The following BNC2 variants were observed in gnomAD, a reference collection of about 807,000 sequenced individuals.
BNC2 encodes the protein basonuclin zinc finger protein 2, also known as zinc finger protein basonuclin-2.
A neutral mutation model predicts 76.3 loss-of-function variants in BNC2; 20 were observed. That is an observed-to-expected ratio of 0.26 (90% CI 0.18 to 0.38). The LOEUF is 0.38. Among genes scored for constraint, BNC2 ranks in the 10% least tolerant of loss-of-function variants. The probability of loss-of-function intolerance (pLI) is 1.00; values close to 1 mark genes in which losing one functional copy is unlikely to be tolerated. For synonymous variants in BNC2, 582 were observed against 514.8 expected, an observed-to-expected ratio of 1.13 and a Z score of -1.77; for missense variants, 1,382 against 1,399.8, an observed-to-expected ratio of 0.99 and a Z score of 0.20.
intron 3 of BNC2, among the ~76,000 whole-genome samples, chr9:16,724,530 A>G (rs1398458834): frequency 6.6e-6 from 1 of 152,118 alleles, no homozygotes; most frequent in African/African-American, 2.4e-5. Context: ...AATTTGAGAA[A>G]ATCATACTTG....
At position 16,470,353 on chromosome 9, in the gene BNC2, A is replaced by G. The variant is rs143575611; in HGVS notation, c.670-32829T>C. Among the ~76,000 whole-genome samples, 16 of 152,308 alleles carry G rather than the reference A, an allele frequency of 1.1e-4. No individual in the cohort carries two copies. The East Asian group carries it at 3.1e-3, about 29-fold the overall frequency. On this transcript the variant is annotated intron_variant, in intron 5 of 6. Coordinates refer to ENST00000380672, the MANE Select transcript of BNC2 (RefSeq NM_017637.6). Reference sequence around the variant, plus strand: ...AAAAGTTTAAAAAATTTGCAGGCTGACTATGTGATAGAAAAGAAAACCCCA... The same window carrying G: ...AAAAGTTTAAAAAATTTGCAGGCTGGCTATGTGATAGAAAAGAAAACCCCA...
At chr9:16,852,185 T>C (rs980677252) in intron 1 of BNC2, among the ~76,000 whole-genome samples, 1 of 152,190 alleles carries the variant, frequency 6.6e-6, no homozygotes, top group African/African-American at 2.4e-5. Context: ...GTCTCAGTTT[T>C]TTTGACAGCA....
At chr9:16,576,674 G>A (rs1202660870) in intron 4 of BNC2, among the ~76,000 whole-genome samples, 1 of 152,150 alleles carries the variant, frequency 6.6e-6, no homozygotes, top group East Asian at 1.9e-4. Flanking sequence ...ACGAACTTGA[G>A]GAATTTGTAA....
At position 16,860,865 on chromosome 9, in the gene BNC2, G is replaced by C. The variant is rs536602931; in HGVS notation, c.3+9781C>G. ...TAAAGAGACCAGCCTGGCCAACATAGAGAAACCCTATCTCCACTAAAAATA... is the reference window on the plus strand; with the variant it reads ...TAAAGAGACCAGCCTGGCCAACATACAGAAACCCTATCTCCACTAAAAATA... On this transcript the variant is annotated intron_variant, in intron 1 of 6. Transcript: ENST00000380672. Among the ~76,000 whole-genome samples the C allele has an allele frequency of 4.1e-4, 62 of 151,920 alleles. 2 individuals carry two copies. The South Asian group carries it at 0.013, about 31-fold the overall frequency.
chr9:16,576,115 T>C (rs1341138531), intron 4 of BNC2, among the ~76,000 whole-genome samples: 1 of 152,190 alleles, frequency 6.6e-6, no homozygotes, highest in East Asian at 1.9e-4. Context: ...AGGACTCAAA[T>C]TAGTGCCTGT....
intron 5 of BNC2, among the ~76,000 whole-genome samples, chr9:16,548,824 T>C (rs1287508156): frequency 1.3e-5 from 2 of 152,246 alleles, no homozygotes; most frequent in African/African-American, 4.8e-5. Context: ...TAACTTTCTG[T>C]ACTTTCTGAA....
chr9:16,727,774 A>C (rs1180065108), intron 3 of BNC2, 23 bp downstream of exon 3: 24 of 1,593,774 alleles, frequency 1.5e-5, no homozygotes, highest in Non-Finnish European at 2.0e-5. Flanking sequence ...AGAAAAAAAA[A>C]ATCAAGAAAG....
intron 1 of BNC2, among the ~76,000 whole-genome samples, chr9:16,774,349 C>T (rs1043750500): frequency 2.6e-5 from 4 of 152,188 alleles, no homozygotes; most frequent in African/African-American, 9.7e-5. Flanking sequence ...CAGAACTGCA[C>T]ATCGAACTGA....
At chr9:16,815,348 A>G (rs879363391) in intron 1 of BNC2, among the ~76,000 whole-genome samples, 1 of 152,234 alleles carries the variant, frequency 6.6e-6, no homozygotes, top group Admixed American at 6.5e-5. Flanking sequence ...ATCAAAACTG[A>G]GCTTTAGGTA....
At chr9:16,608,038 T>C (rs935382897) in intron 3 of BNC2, among the ~76,000 whole-genome samples, 1 of 152,082 alleles carries the variant, frequency 6.6e-6, no homozygotes, top group Non-Finnish European at 1.5e-5. Context: ...ACTGTTTAAA[T>C]AAAGCCTTCA....
intron 5 of BNC2, among the ~76,000 whole-genome samples, chr9:16,490,292 A>T (rs1038855530): frequency 3.3e-5 from 5 of 152,188 alleles, no homozygotes; most frequent in South Asian, 2.1e-4. Context: ...ATGAGGAAGA[A>T]GCAAAAGCGG....
At chr9:16,855,682 C>G (rs1025094117) in intron 1 of BNC2, among the ~76,000 whole-genome samples, 8 of 151,912 alleles carry the variant, frequency 5.3e-5, no homozygotes, top group African/African-American at 9.7e-5. Flanking sequence ...GGACTACAGG[C>G]GCCCGCGACC....
At chr9:16,859,363 A>G (rs1378378680) in intron 1 of BNC2, among the ~76,000 whole-genome samples, 1 of 152,234 alleles carries the variant, frequency 6.6e-6, no homozygotes, top group Non-Finnish European at 1.5e-5. Flanking sequence ...CCAAAGATTG[A>G]AAGCAGTATC....
chr9:16,687,795 C>T (rs1823021777), intron 3 of BNC2, among the ~76,000 whole-genome samples: 1 of 152,154 alleles, frequency 6.6e-6, no homozygotes, highest in Non-Finnish European at 1.5e-5. Flanking sequence ...TCACAGAATG[C>T]ACTTTATAAA....
intron 5 of BNC2, among the ~76,000 whole-genome samples, chr9:16,487,343 C>T (rs1237249000): frequency 6.6e-6 from 1 of 152,152 alleles, no homozygotes; most frequent in East Asian, 1.9e-4. Context: ...TATTTGAATA[C>T]AACTGCACTT....
At chr9:16,824,166 C>G (rs1019106169) in intron 1 of BNC2, among the ~76,000 whole-genome samples, 1 of 152,100 alleles carries the variant, frequency 6.6e-6, no homozygotes, top group East Asian at 1.9e-4. Context: ...ACCATTATCA[C>G]TAAGGAGGTA....
At chr9:16,671,981 A>G (rs1008688386) in intron 3 of BNC2, among the ~76,000 whole-genome samples, 2 of 152,218 alleles carry the variant, frequency 1.3e-5, no homozygotes, top group Non-Finnish European at 2.9e-5. Context: ...CTCATTAAGC[A>G]AACTCTGAAC....
chr9:16,585,260 A>C (rs1819737005), intron 3 of BNC2, among the ~76,000 whole-genome samples: 1 of 152,110 alleles, frequency 6.6e-6, no homozygotes, highest in Non-Finnish European at 1.5e-5. Flanking sequence ...TCATTCACTT[A>C]CTCTGAACAA....
intron 5 of BNC2, among the ~76,000 whole-genome samples, chr9:16,452,738 G>A (rs75182440): frequency 0.03 from 4,507 of 152,156 alleles, 184 homozygotes; most frequent in East Asian, 0.12. Flanking sequence ...ATGTTCGTGG[G>A]CGCATACTTT....
Sources: gnomAD v4.1 joint callset for allele counts (sites outside exome capture counted in the v4.1 genomes callset) on GRCh38, gnomAD v4.1.1 for gene constraint, MANE v1.5 for transcripts, NCBI Gene and HGNC (gene_info 2026-07-23, HGNC 2026-07-21) for gene names.